RGMA: variants seen among roughly 807,000 people sequenced by gnomAD.
RGMA encodes the protein repulsive guidance molecule BMP co-receptor a, also known as repulsive guidance molecule A.
In RGMA, 10 loss-of-function variants were observed where a neutral mutation model predicts 23.2. The ratio of observed to expected loss-of-function variants is 0.43; its 90% CI spans 0.27 to 0.73. The LOEUF (loss-of-function observed/expected upper bound fraction) is 0.73. Ranked by LOEUF, RGMA falls within the 30% of genes least tolerant of loss-of-function variation. The probability of loss-of-function intolerance (pLI) is 0.20; values close to 1 mark genes in which losing one functional copy is unlikely to be tolerated. For synonymous variants in RGMA, 308 were observed against 279.3 expected (o/e 1.10, Z -1.03); for missense variants, 547 against 630.5 (o/e 0.87, Z 1.42).
intron 3 of RGMA, among the ~76,000 whole-genome samples, chr15:93,048,656 C>T (rs1462489264): frequency 2.0e-5 from 3 of 152,162 alleles, no homozygotes; most frequent in Non-Finnish European, 1.5e-5. Context: ...CCCTAAGCCT[C>T]GAACCTGATG....
intron 2 of RGMA, chr15:93,065,817 G>A: frequency 1.2e-6 from 1 of 846,264 alleles, no homozygotes; most frequent in East Asian, 2.8e-5. Context: ...AATTGAGGTA[G>A]GGGAACCCGC....
At chr15:93,081,741 A>T (rs141008480) in intron 1 of RGMA, among the ~76,000 whole-genome samples, 3 of 152,404 alleles carry the variant, frequency 2.0e-5, no homozygotes, top group African/African-American at 7.2e-5. Flanking sequence ...TTTAGCAATA[A>T]GAACAGATAA....
chr15:93,074,745 A>C (rs900043066), intron 1 of RGMA, among the ~76,000 whole-genome samples: 5 of 152,194 alleles, frequency 3.3e-5, no homozygotes, highest in African/African-American at 9.7e-5. Context: ...CCGACCCAAC[A>C]ATTTATTCTG....
At chr15:93,088,508 G>T (rs1364112473) in intron 1 of RGMA, 2 of 995,064 alleles carry the variant, frequency 2.0e-6, no homozygotes, top group Non-Finnish European at 2.4e-6. Context: ...CTCCGCAGCC[G>T]GGCGTCGAGC....
At position 93,052,442 on chromosome 15, in the gene RGMA, C is replaced by T. The variant is rs962719161; in HGVS notation, c.196G>A (p.Ala66Thr). 8.8e-6 allele frequency: 14 copies of T among 1,592,492 alleles called. No homozygotes were observed. The highest frequency in any genetic ancestry group is 2.2e-5 in the East Asian group (1 of 44,646). Residue 66 changes from alanine to threonine, a missense_variant, in exon 3 of 4, where the codon GCC becomes ACC. By Grantham distance (58) the Ala-to-Thr change is moderately conservative. Coordinates refer to ENST00000329082, the MANE Select transcript of RGMA (RefSeq NM_020211.3). ...EFWSATSGSH[A>T]PASDDTPEFC... ...TCGGGGGTGTCGTCTGAGGCTGGGG[C>T]GTGGCTGCCCGACGTGGCGCTCCAG...
chr15:93,071,069 T>C (rs1234784301), intron 2 of RGMA, among the ~76,000 whole-genome samples: 1 of 152,254 alleles, frequency 6.6e-6, no homozygotes, highest in Middle Eastern at 3.4e-3. Flanking sequence ...CGGGAAGGTG[T>C]TGTTTTAAGG....
chr15:93,073,974 G>A (rs942505316), intron 1 of RGMA: 2 of 1,422,542 alleles, frequency 1.4e-6, no homozygotes, highest in Non-Finnish European at 1.8e-6. Context: ...GCACTTGGGA[G>A]GGCTTCAGTA....
chr15:93,041,173 A>T lies in RGMA; in HGVS notation c.*3825T>A. 1 of 136,506 alleles carries T rather than the reference A, an allele frequency of 7.3e-6. No individual in the cohort carries two copies. Among genetic ancestry groups the T allele is most frequent in the Non-Finnish European group, 1.6e-5 (1 of 64,510 alleles). The allele number at this position is 136,506 out of a possible 1,614,324, so 8.5% of individuals were successfully genotyped here. A position where few individuals can be genotyped will look rare whatever the true frequency, so the allele number is the denominator to read the frequency against. ...GTCTGCCCCCTTCATCGTGACTCTC[A>T]TTCATTTGTTTTAAAGGCCATTTCT... On this transcript the variant is annotated 3_prime_UTR_variant, in exon 4 of 4. Coordinates refer to ENST00000329082, the MANE Select transcript of RGMA (RefSeq NM_020211.3).
intron 2 of RGMA, among the ~76,000 whole-genome samples, chr15:93,055,628 G>A (rs983944302): frequency 1.6e-4 from 24 of 152,282 alleles, no homozygotes; most frequent in African/African-American, 5.5e-4. Context: ...CCTCCCCCAC[G>A]GGTGGGCTCC....
intron 3 of RGMA, 147 bp downstream of exon 3, chr15:93,051,846 G>T: frequency 1.2e-6 from 1 of 819,646 alleles, no homozygotes; most frequent in East Asian, 2.7e-5. Context: ...ACCCCCTTGG[G>T]ATGCTCAGGG....
At chr15:93,059,972 G>A (rs752698911) in intron 2 of RGMA, among the ~76,000 whole-genome samples, 5 of 152,174 alleles carry the variant, frequency 3.3e-5, no homozygotes, top group Admixed American at 6.5e-5. Flanking sequence ...GAAGAGGAAA[G>A]CTGCTTTTCA....
chr15:93,074,170 TC>T, intron 1 of RGMA: 1 of 312,168 alleles, frequency 3.2e-6, no homozygotes, highest in Non-Finnish European at 5.1e-6. Flanking sequence ...AACCAACTCC[TC>T]CCGCCACCCT....
At position 93,085,253 on chromosome 15, in the gene RGMA, C is replaced by G. The variant is rs112544522; in HGVS notation, c.14+3666G>C. On this transcript the variant is annotated intron_variant, in intron 1 of 3. Transcript: ENST00000329082. ...AATGAAATATAAGGAGAAGCCACAA[C>G]AGACGGTAACTACTAAAATGTCCTG... Among the ~76,000 whole-genome samples the G allele has an allele frequency of 3.1e-4, 47 of 152,306 alleles. No homozygotes were observed. In the Middle Eastern group the frequency reaches 0.01, roughly 34 times the overall value.
At chr15:93,077,770 C>G (rs898076370) in intron 1 of RGMA, among the ~76,000 whole-genome samples, 3 of 152,196 alleles carry the variant, frequency 2.0e-5, no homozygotes, top group Non-Finnish European at 2.9e-5. Context: ...CGCAATGGTG[C>G]GACCTCGGCT....
intron 2 of RGMA, among the ~76,000 whole-genome samples, chr15:93,059,528 G>A (rs563437832): frequency 1.3e-5 from 2 of 152,294 alleles, no homozygotes; most frequent in African/African-American, 4.8e-5. Flanking sequence ...CCAGAATAAA[G>A]GGTGACTGCT....
intron 1 of RGMA, among the ~76,000 whole-genome samples, chr15:93,083,020 C>T (rs574430768): frequency 2.0e-5 from 3 of 152,252 alleles, no homozygotes; most frequent in South Asian, 2.1e-4. Flanking sequence ...AGGGCCTGTG[C>T]GCCATCTTGG....
chr15:93,073,217 C>T (rs1895397349), intron 1 of RGMA, 186 bp from the exon 2 acceptor site: 19 of 1,145,412 alleles, frequency 1.7e-5, no homozygotes, highest in Non-Finnish European at 8.6e-6. Context: ...CTCGGTTCTC[C>T]GCCAATGTCG....
At chr15:93,073,704 C>G (rs55816698) in intron 1 of RGMA, 854,521 of 1,536,918 alleles carry the variant, frequency 0.56, 245,366 homozygotes, top group East Asian at 0.95. Flanking sequence ...CTCTGCATCT[C>G]AGCTACTAAC....
chr15:93,061,870 A>G (rs957610476), intron 2 of RGMA, among the ~76,000 whole-genome samples: 8 of 152,194 alleles, frequency 5.3e-5, no homozygotes, highest in African/African-American at 1.4e-4. Context: ...ACGAAGCCCA[A>G]TAAGACTTAT....
Sources: allele counts gnomAD v4.1 joint callset (sites outside exome capture counted in the v4.1 genomes callset), GRCh38; gene constraint gnomAD v4.1.1; transcripts MANE v1.5; gene names NCBI Gene and HGNC (gene_info 2026-07-23, HGNC 2026-07-21).